DNAH6: variants seen among roughly 807,000 people sequenced by gnomAD.
DNAH6 encodes the protein axonemal beta dynein heavy chain 6.
Under a neutral mutation model 491.4 loss-of-function variants are expected in DNAH6, and 340 were observed. That is an observed-to-expected ratio of 0.69 (90% confidence interval 0.63 to 0.76). DNAH6 has a LOEUF of 0.76. Among genes scored for constraint, DNAH6 ranks in the 30% least tolerant of loss-of-function variants. DNAH6 has a pLI of 0.00. For synonymous variants in DNAH6, 1,603 were observed against 1,686.1 expected, an observed-to-expected ratio of 0.95 and a Z score of 1.21; for missense variants, 4,443 against 4,972.2, an observed-to-expected ratio of 0.89 and a Z score of 3.20.
chr2:84,733,161 G>C (rs1026061249), intron 61 of DNAH6, among the ~76,000 whole-genome samples: 9 of 152,336 alleles, frequency 5.9e-5, no homozygotes, highest in Admixed American at 3.9e-4. Context: ...GGGAAAGATC[G>C]ATGTTGGGTG....
At chr2:84,779,348 G>A (rs1029391809) in intron 64 of DNAH6, among the ~76,000 whole-genome samples, 1 of 152,146 alleles carries the variant, frequency 6.6e-6, no homozygotes, top group South Asian at 2.1e-4. Flanking sequence ...CTATATTTAG[G>A]ATAGTTAAGT....
the DNAH6 span, among the ~76,000 whole-genome samples, chr2:84,506,882 T>A: frequency 6.6e-6 from 1 of 152,086 alleles, no homozygotes; most frequent in Non-Finnish European, 1.5e-5. Flanking sequence ...GTTGTAGATA[T>A]GTGGCATTAT....
At chr2:84,797,700 A>G (rs753367831) in intron 70 of DNAH6, 42 bp downstream of exon 70, 8 of 1,485,750 alleles carry the variant, frequency 5.4e-6, no homozygotes, top group Non-Finnish European at 6.4e-6. Context: ...TATGTTGTGT[A>G]TGTAAACTCA....
intron 33 of DNAH6, among the ~76,000 whole-genome samples, chr2:84,652,241 A>G (rs1159984311): frequency 6.6e-6 from 1 of 152,044 alleles, no homozygotes; most frequent in Non-Finnish European, 1.5e-5. Context: ...TTACCCTTTT[A>G]TATTAACATA....
chr2:84,556,704 G>C (rs1056777066), intron 10 of DNAH6, among the ~76,000 whole-genome samples: 1 of 152,104 alleles, frequency 6.6e-6, no homozygotes, highest in Non-Finnish European at 1.5e-5. Context: ...TCTTGTTTTA[G>C]TGCATACTGA....
chr2:84,559,385 A>G (rs1335294407), intron 11 of DNAH6, among the ~76,000 whole-genome samples: 1 of 152,200 alleles, frequency 6.6e-6, no homozygotes, highest in Non-Finnish European at 1.5e-5. Context: ...TGGTGCAGAG[A>G]AAATGAAGCA....
chr2:84,474,799 A>T, the DNAH6 span, among the ~76,000 whole-genome samples: 1 of 152,206 alleles, frequency 6.6e-6, no homozygotes, highest in Non-Finnish European at 1.5e-5. Flanking sequence ...TGCTCGGGCC[A>T]TTGGTTTATA....
chr2:84,563,290 C>A (rs968991655), intron 11 of DNAH6, among the ~76,000 whole-genome samples: 6 of 152,158 alleles, frequency 3.9e-5, no homozygotes, highest in African/African-American at 1.4e-4. Flanking sequence ...GTTTTAAGTT[C>A]TTTGAGAAAT....
intron 66 of DNAH6, 124 bp from the exon 67 acceptor site, chr2:84,785,486 C>CCATGAA: frequency 1.0e-6 from 1 of 986,068 alleles, no homozygotes; most frequent in Admixed American, 3.4e-5. Context: ...GGAATGGTCC[C>CCATGAA]CACCTCCCCA....
chr2:84,815,017 C>T (rs1223863275), intron 75 of DNAH6, among the ~76,000 whole-genome samples: 2 of 152,208 alleles, frequency 1.3e-5, no homozygotes, highest in African/African-American at 2.4e-5. Context: ...GCCCATTTGC[C>T]GCCTTGGCGC....
intron 64 of DNAH6, among the ~76,000 whole-genome samples, chr2:84,766,503 T>G (rs1234862262): frequency 6.6e-6 from 1 of 152,170 alleles, no homozygotes; most frequent in Non-Finnish European, 1.5e-5. Context: ...TATAAAAACC[T>G]GTAGGATGTA....
intron 23 of DNAH6, among the ~76,000 whole-genome samples, chr2:84,619,470 G>C (rs1189887724): frequency 1.3e-5 from 2 of 152,126 alleles, no homozygotes; most frequent in Admixed American, 1.3e-4. Flanking sequence ...ACTAATTCTA[G>C]GTGTGCATCA....
intron 11 of DNAH6, among the ~76,000 whole-genome samples, chr2:84,565,765 A>G (rs2104647185): frequency 6.6e-6 from 1 of 151,864 alleles, no homozygotes; most frequent in African/African-American, 2.4e-5. Flanking sequence ...TCTTTTAATA[A>G]ATCTGGGTGC....
At chr2:84,626,898 GC>G (rs1014579445) in intron 29 of DNAH6, among the ~76,000 whole-genome samples, 1 of 152,134 alleles carries the variant, frequency 6.6e-6, no homozygotes, top group African/African-American at 2.4e-5. Flanking sequence ...GAGCCACCGC[GC>G]CCGGCCAGAA....
At chr2:84,514,878 C>CACACACACACACAA (rs1288246632), upstream of DNAH6, among the ~76,000 whole-genome samples, 1 of 151,532 alleles carries the variant, frequency 6.6e-6, no homozygotes, top group Non-Finnish European at 1.5e-5. Flanking sequence ...CACACACACA[C>CACACACACACACAA]ACACACACAC....
chr2:84,630,315 C>T (rs10172709), intron 29 of DNAH6, among the ~76,000 whole-genome samples: 29,331 of 152,032 alleles, frequency 0.19, 5,499 homozygotes, highest in African/African-American at 0.49. Flanking sequence ...AGTAATCCAT[C>T]GATCACAACT....
chr2:84,484,875 T>C, the DNAH6 span, among the ~76,000 whole-genome samples: 5 of 152,190 alleles, frequency 3.3e-5, no homozygotes, highest in East Asian at 9.6e-4. Flanking sequence ...GTTATTCAAG[T>C]GTGCATCAGG....
intron 22 of DNAH6, among the ~76,000 whole-genome samples, chr2:84,615,142 T>C (rs576530224): frequency 6.6e-6 from 1 of 152,242 alleles, no homozygotes; most frequent in African/African-American, 2.4e-5. Context: ...GTTTTTCCAA[T>C]ATTATCTTCC....
intron 42 of DNAH6, among the ~76,000 whole-genome samples, chr2:84,681,732 G>T: frequency 6.8e-6 from 1 of 146,276 alleles, no homozygotes; most frequent in South Asian, 2.1e-4. Flanking sequence ...CTGATTACTT[G>T]TCTTTCACTG....
Sources: gnomAD v4.1 joint callset for allele counts (sites outside exome capture counted in the v4.1 genomes callset) on GRCh38, gnomAD v4.1.1 for gene constraint, MANE v1.5 for transcripts, NCBI Gene and HGNC (gene_info 2026-07-23, HGNC 2026-07-21) for gene names.